Variants in KIFC3 observed in about 807,000 individuals in gnomAD.
The protein encoded by KIFC3 is kinesin-like protein KIFC3.
In KIFC3, 60 loss-of-function variants were observed where a neutral mutation model predicts 101.8. That is an observed-to-expected ratio of 0.59 (90% CI 0.48 to 0.73). The LOEUF is 0.73. KIFC3 is among the 30% of genes least tolerant of loss of function. KIFC3 has a pLI of 0.00. For missense variants in KIFC3, 966 were observed against 1,137.1 expected (o/e 0.85, Z 2.16); for synonymous variants, 476 against 482.7 (o/e 0.99, Z 0.18).
At chr16:57,860,048 A>AAAATAAAAT (rs1454960366) in intron 1 of KIFC3, among the ~76,000 whole-genome samples, 54 of 119,186 alleles carry the variant, frequency 4.5e-4, no homozygotes, top group African/African-American at 1.8e-3. Context: ...AAAATAAAAT[A>AAAATAAAAT]AAATAAAATA....
upstream of KIFC3, among the ~76,000 whole-genome samples, chr16:57,806,625 C>T (rs967930914): frequency 9.2e-5 from 14 of 152,144 alleles, no homozygotes; most frequent in South Asian, 6.2e-4. Flanking sequence ...AGAACAGGTG[C>T]GTGAAATGTA....
intron 1 of KIFC3, among the ~76,000 whole-genome samples, chr16:57,862,324 G>A (rs1455048466): frequency 2.0e-5 from 3 of 151,398 alleles, no homozygotes; most frequent in African/African-American, 7.3e-5. Flanking sequence ...TTGCCTGGCT[G>A]AGATTTCATC....
At chr16:57,829,855 G>A (rs1279227357) in intron 1 of KIFC3, among the ~76,000 whole-genome samples, 2 of 152,164 alleles carry the variant, frequency 1.3e-5, no homozygotes, top group Non-Finnish European at 2.9e-5. Context: ...GTGGGCAAGT[G>A]TCCCAGGCTC....
intron 3 of KIFC3, chr16:57,785,815 C>T (rs2053262866): frequency 6.8e-6 from 2 of 295,554 alleles, no homozygotes; most frequent in African/African-American, 2.2e-5. Flanking sequence ...GCGGCAGCGG[C>T]ATAGGTTAGC....
At chr16:57,759,064 G>A (rs1484233802) in intron 19 of KIFC3, 61 bp downstream of exon 19, 1 of 1,542,160 alleles carries the variant, frequency 6.5e-7, no homozygotes, top group African/African-American at 1.4e-5. Flanking sequence ...TCCCAGCGCA[G>A]CCCTGCAACC....
chr16:57,761,390 G>T (rs1555597419), intron 14 of KIFC3, 23 bp downstream of exon 14: 1 of 1,613,700 alleles, frequency 6.2e-7, no homozygotes, highest in African/African-American at 1.3e-5. Context: ...TGTGGCTGTG[G>T]TCAGGGGCTC....
chr16:57,764,672 AG>A (rs1253612324), intron 11 of KIFC3, among the ~76,000 whole-genome samples: 5 of 152,224 alleles, frequency 3.3e-5, no homozygotes, highest in African/African-American at 1.2e-4. Flanking sequence ...GGCAGAGATA[AG>A]GGAAGAGTGG....
At position 57,761,083 on chromosome 16, in the gene KIFC3, G is replaced by A. The variant is rs200679980; in HGVS notation, c.1961C>T (p.Thr654Met). The change falls in exon 15 of 20, where the codon ACG becomes ATG. Residue 654 changes from threonine to methionine, a missense_variant. Coordinates refer to ENST00000445690, the MANE Select transcript of KIFC3 (RefSeq NM_001130100.2). ...TGTGCTGCAGTCCACGCCTCGCACCGTCACGATGAGCAGCGCGTGCGAGCG... is the reference window on the plus strand; with the variant it reads ...TGTGCTGCAGTCCACGCCTCGCACCATCACGATGAGCAGCGCGTGCGAGCG... ...SSRSHALLIV[T>M]VRGVDCSTGL... 257 of 1,613,450 alleles carry A rather than the reference G, an allele frequency of 1.6e-4. No individual in the cohort carries two copies. In the Middle Eastern group the frequency reaches 1.8e-3, roughly 11 times the overall value.
upstream of KIFC3, chr16:57,803,357 C>G (rs921640568): frequency 1.6e-6 from 1 of 638,064 alleles, no homozygotes; most frequent in Non-Finnish European, 2.9e-6. Context: ...ATTCCAGAGC[C>G]AGCAGCAATA....
chr16:57,800,093 T>G (rs2054621295), intron 1 of KIFC3, among the ~76,000 whole-genome samples: 1 of 151,682 alleles, frequency 6.6e-6, no homozygotes, highest in Non-Finnish European at 1.5e-5. Context: ...CAGGAGTGAC[T>G]AAAGCATTGA....
At position 57,762,155 on chromosome 16, in the gene KIFC3, T is replaced by C. The variant is rs1555598403; in HGVS notation, c.1733A>G (p.Tyr578Cys). The change falls in exon 13 of 20, where the codon TAC (tyrosine) becomes TGC (cysteine). Residue 578 changes from tyrosine (Y) to cysteine (C), a missense_variant. Physicochemically the swap from Tyr to Cys is radical, Grantham distance 194. This residue lies in a region of KIFC3 where 689 missense variants were observed against 884.6 expected (regional missense o/e 0.78). Coordinates refer to ENST00000445690, the MANE Select transcript of KIFC3 (RefSeq NM_001130100.2). ...GGGCTCCCACCTGAGGACCTCATTGTAGATCTCCGCAGCGCTGACGGTGAT... is the reference window on the plus strand; with the variant it reads ...GGGCTCCCACCTGAGGACCTCATTGCAGATCTCCGCAGCGCTGACGGTGAT... ...YTITVSAAEIYNEVLRDLLGK... is the reference protein window; with the variant it reads ...YTITVSAAEICNEVLRDLLGK... 6.2e-7 allele frequency: 1 copy of C among 1,604,918 alleles called. No individual in the cohort carries two copies. The highest frequency in any genetic ancestry group is 1.7e-5 in the Admixed American group (1 of 59,838).
exon 1 of KIFC3, chr16:57,862,741 C>T (rs975767266): frequency 3.5e-5 from 45 of 1,287,728 alleles, no homozygotes; most frequent in Non-Finnish European, 4.4e-5. Flanking sequence ...TGCACTGCTC[C>T]GGGACACCAG....
intron 1 of KIFC3, among the ~76,000 whole-genome samples, chr16:57,810,361 C>G (rs1365918623): frequency 6.6e-6 from 1 of 152,244 alleles, no homozygotes; most frequent in Non-Finnish European, 1.5e-5. Context: ...CTGTGGTGCG[C>G]AGCCTCTCCC....
chr16:57,768,509 T>TCTCACACACACACACACACACACA (rs147198668), intron 9 of KIFC3, among the ~76,000 whole-genome samples: 2 of 139,030 alleles, frequency 1.4e-5, no homozygotes, highest in African/African-American at 2.8e-5. Context: ...CCATATATTC[T>TCTCACACACACACACACACACACA]CACACACACA....
intron 3 of KIFC3, among the ~76,000 whole-genome samples, chr16:57,788,933 C>T (rs1182919190): frequency 6.6e-6 from 1 of 152,224 alleles, no homozygotes; most frequent in Non-Finnish European, 1.5e-5. Context: ...CCTGGCCTCC[C>T]TCAGCAGCTG....
intron 12 of KIFC3, among the ~76,000 whole-genome samples, chr16:57,763,091 G>A (rs539187228): frequency 6.6e-6 from 1 of 152,174 alleles, no homozygotes; most frequent in South Asian, 2.1e-4. Flanking sequence ...TGGCCTGACA[G>A]GACACTTGCT....
intron 1 of KIFC3, among the ~76,000 whole-genome samples, chr16:57,837,554 G>GAAGGAAAAGA (rs71152302): frequency 1.0e-5 from 1 of 99,916 alleles, no homozygotes; most frequent in Non-Finnish European, 2.2e-5. Context: ...AGGAAGGAAG[G>GAAGGAAAAGA]AAGAAAGAAA....
upstream of KIFC3, chr16:57,803,273 C>A (rs1022845936): frequency 1.0e-5 from 7 of 697,252 alleles, no homozygotes; most frequent in East Asian, 1.6e-4. Flanking sequence ...AGGCCAGGGG[C>A]CTGCCAGCCG....
intron 3 of KIFC3, among the ~76,000 whole-genome samples, chr16:57,784,430 C>G (rs1323601056): frequency 6.6e-6 from 1 of 152,230 alleles, no homozygotes; most frequent in Admixed American, 6.5e-5. Flanking sequence ...GAGGACACAC[C>G]TGTAAGCTGG....
Sources: gnomAD v4.1 joint callset for allele counts (sites outside exome capture counted in the v4.1 genomes callset) on GRCh38, gnomAD v4.1.1 for gene constraint, gnomAD v4.1.1 regional missense constraint, MANE v1.5 for transcripts, NCBI Gene and HGNC (gene_info 2026-07-23, HGNC 2026-07-21) for gene names.